ACTN4: variants seen among roughly 807,000 people sequenced by gnomAD.
The protein encoded by ACTN4 is alpha-actinin-4.
ACTN4 carries 18 observed loss-of-function variants against 114.2 expected under a neutral mutation model. That is an observed-to-expected ratio of 0.16 (90% CI 0.11 to 0.23). The LOEUF (loss-of-function observed/expected upper bound fraction) is 0.23. Ranked by LOEUF, ACTN4 falls within the 10% of genes least tolerant of loss-of-function variation. ACTN4 has a pLI of 1.00. For synonymous variants in ACTN4, 515 were observed against 506.3 expected, an observed-to-expected ratio of 1.02 and a Z score of -0.23; for missense variants, 722 against 1,262.9, an observed-to-expected ratio of 0.57 and a Z score of 6.49.
chr19:38,660,268 G>A (rs1348583832), intron 1 of ACTN4, among the ~76,000 whole-genome samples: 1 of 152,152 alleles, frequency 6.6e-6, no homozygotes, highest in African/African-American at 2.4e-5. Flanking sequence ...GGGGGAGACA[G>A]CATGCATATA....
intron 1 of ACTN4, among the ~76,000 whole-genome samples, chr19:38,659,809 A>G (rs1211669136): frequency 3.3e-5 from 5 of 152,030 alleles, no homozygotes; most frequent in African/African-American, 1.2e-4. Context: ...ATGTCAGAGT[A>G]TGGGCAGTGA....
intron 1 of ACTN4, among the ~76,000 whole-genome samples, chr19:38,648,886 G>C (rs979286919): frequency 2.0e-5 from 3 of 151,826 alleles, no homozygotes; most frequent in Non-Finnish European, 2.9e-5. Flanking sequence ...ATCGGTGGGA[G>C]GGAGGGTGAG....
At chr19:38,659,025 T>G (rs1219912284) in intron 1 of ACTN4, among the ~76,000 whole-genome samples, 1 of 151,674 alleles carries the variant, frequency 6.6e-6, no homozygotes, top group Non-Finnish European at 1.5e-5. Context: ...TGAACTAATT[T>G]TCCCTTTCCC....
intron 12 of ACTN4, 23 bp downstream of exon 12, chr19:38,721,711 A>G (rs376752257): frequency 8.1e-5 from 131 of 1,609,710 alleles, no homozygotes; most frequent in Middle Eastern, 4.9e-4. Context: ...TCAGGACACT[A>G]TCATCACCTG....
intron 1 of ACTN4, among the ~76,000 whole-genome samples, chr19:38,694,363 G>A (rs1359668328): frequency 1.3e-5 from 2 of 151,720 alleles, no homozygotes; most frequent in African/African-American, 2.4e-5. Context: ...AGGTTCAAGC[G>A]ATTCTCCTGT....
intron 5 of ACTN4, among the ~76,000 whole-genome samples, 195 bp from the exon 6 acceptor site, chr19:38,707,922 C>G (rs965050124): frequency 2.0e-5 from 3 of 152,184 alleles, no homozygotes; most frequent in Non-Finnish European, 4.4e-5. Flanking sequence ...GCAGAAGAGT[C>G]AGGATTTGAT....
At chr19:38,726,754 G>A (rs1488291841) in intron 17 of ACTN4, among the ~76,000 whole-genome samples, 1 of 152,206 alleles carries the variant, frequency 6.6e-6, no homozygotes, top group Non-Finnish European at 1.5e-5. Flanking sequence ...TGCTGCCCCT[G>A]TAGCTGGGAA....
Position 38,677,875 on chromosome 19 carries a change from C to T in ACTN4, c.163-22725C>T, listed in dbSNP as rs146304459. ...CCAAGTAGCTGGGATTACAGGTGCA[C>T]ACCACCATACCCGGCTAATTTTTGT... On this transcript the variant is annotated intron_variant, in intron 1 of 20. Transcript: ENST00000252699. Among the ~76,000 whole-genome samples, 106 of 152,262 alleles carry T rather than the reference C, an allele frequency of 7.0e-4. 1 individual carries two copies. The East Asian group carries it at 0.019, about 27-fold the overall frequency.
chr19:38,719,952 C>T (rs1392549902), intron 11 of ACTN4, among the ~76,000 whole-genome samples: 1 of 152,240 alleles, frequency 6.6e-6, no homozygotes, highest in Non-Finnish European at 1.5e-5. Flanking sequence ...GGCCTCCACA[C>T]GTCCCTGCCC....
At chr19:38,663,506 G>A (rs1976954430) in intron 1 of ACTN4, among the ~76,000 whole-genome samples, 2 of 152,238 alleles carry the variant, frequency 1.3e-5, no homozygotes, top group South Asian at 4.1e-4. Context: ...TGTCCCGGGA[G>A]AGGAAAGGGG....
chr19:38,730,992 C>G lies in ACTN4; in HGVS notation c.*1560C>G, dbSNP rs752235488. On this transcript the variant is annotated 3_prime_UTR_variant, in exon 21 of 21. Coordinates refer to ENST00000252699, the MANE Select transcript of ACTN4 (RefSeq NM_004924.6). The stretch of plus-strand genomic sequence containing the variant: ...GTCTGTGGGTCAGGCAGATGACCCC[C>G]TCACCCCCATCCAGGTGCTGGCTGC... 2 of 1,551,508 alleles carry G rather than the reference C, an allele frequency of 1.3e-6. No individual in the cohort carries two copies. Among genetic ancestry groups the G allele is most frequent in the South Asian group, 1.2e-5 (1 of 84,200 alleles).
At chr19:38,715,575 G>T (rs1180726610) in intron 9 of ACTN4, among the ~76,000 whole-genome samples, 1 of 152,192 alleles carries the variant, frequency 6.6e-6, no homozygotes, top group African/African-American at 2.4e-5. Flanking sequence ...CCCAGATTTT[G>T]CAATCTCATA....
rs562102000 is a variant in ACTN4 at position 38,727,217 on chromosome 19, G to A, written c.2337+114G>A. The A allele has an allele frequency of 3.1e-5, 46 of 1,505,752 alleles. No individual in the cohort carries two copies. The African/African-American group carries it at 4.3e-4, about 14-fold the overall frequency. 93.3% of individuals were successfully genotyped at this position (1,505,752 alleles called of 1,614,324 possible). A position where few individuals can be genotyped will look rare whatever the true frequency, so the allele number is the denominator to read the frequency against. On this transcript the variant is annotated intron_variant, in intron 18 of 20. Coordinates refer to ENST00000252699, the MANE Select transcript of ACTN4 (RefSeq NM_004924.6). The surrounding 1 kb of genome is among the most constrained non-coding windows in gnomAD (Gnocchi z 5.4). ...CCATCACAGTTGCTGAGCGTCGGCC[G>A]CCACTCCCAGGGCCAGCAGGGCCCT...
intron 1 of ACTN4, among the ~76,000 whole-genome samples, chr19:38,652,690 G>A (rs1976601191): frequency 6.6e-6 from 1 of 152,192 alleles, no homozygotes; most frequent in Non-Finnish European, 1.5e-5. Context: ...CTTGTGGGGG[G>A]GAAAGTTCAG....
intron 1 of ACTN4, among the ~76,000 whole-genome samples, chr19:38,700,364 A>G (rs1968230396): frequency 6.6e-6 from 1 of 152,078 alleles, no homozygotes; most frequent in African/African-American, 2.4e-5. Context: ...TACCGCCTGG[A>G]TGGTCTTGTG....
intron 8 of ACTN4, chr19:38,710,698 T>A: frequency 2.7e-6 from 1 of 371,864 alleles, no homozygotes; most frequent in Non-Finnish European, 5.2e-6. Flanking sequence ...TGGGGTGACC[T>A]TCAGCTGGTG....
chr19:38,724,148 C>T lies in ACTN4; in HGVS notation c.1693-9C>T, dbSNP rs754113621. Reference sequence around the variant, plus strand: ...CTGGGCCGCCCCCTCACTCCAGCTCCTCCCCTAGGGCCTGATCTCAGCCCA... The same window carrying T: ...CTGGGCCGCCCCCTCACTCCAGCTCTTCCCCTAGGGCCTGATCTCAGCCCA... On this transcript the variant is annotated splice_polypyrimidine_tract_variant and intron_variant, in intron 14 of 20. Coordinates refer to ENST00000252699, the MANE Select transcript of ACTN4 (RefSeq NM_004924.6). This position sits in a 1 kb window ranked among gnomAD's most constrained non-coding sequence, Gnocchi z 7.0. 2 of 1,613,708 alleles carry T rather than the reference C, an allele frequency of 1.2e-6. No individual in the cohort carries two copies. The highest frequency in any genetic ancestry group is 2.2e-5 in the South Asian group (2 of 91,092).
At chr19:38,663,969 C>G (rs1217635526) in intron 1 of ACTN4, among the ~76,000 whole-genome samples, 1 of 152,212 alleles carries the variant, frequency 6.6e-6, no homozygotes, top group African/African-American at 2.4e-5. Context: ...CTTCTCATGT[C>G]CAAGGGTCTC....
In ACTN4 at chr19:38,700,743, G is replaced by A. The variant is rs2112649; in HGVS notation, c.277+29G>A. 1.1e-4 allele frequency: 167 copies of A among 1,588,968 alleles called. 1 individual carries two copies. In the African/African-American group the frequency reaches 1.6e-3, roughly 15 times the overall value. On this transcript the variant is annotated intron_variant, in intron 2 of 20. Coordinates refer to ENST00000252699, the MANE Select transcript of ACTN4 (RefSeq NM_004924.6). ...AGACTCCCAGCCACGCAGTGCGGCC[G>A]AGCCCTGGCACAGGTGCTCTGCCAC...
Sources: gnomAD v4.1 joint callset for allele counts (sites outside exome capture counted in the v4.1 genomes callset) on GRCh38, gnomAD v4.1.1 for gene constraint, Gnocchi (gnomAD v3.1) non-coding constraint, MANE v1.5 for transcripts, NCBI Gene and HGNC (gene_info 2026-07-23, HGNC 2026-07-21) for gene names.